TEX11: variants seen among roughly 807,000 people sequenced by gnomAD.
The protein encoded by TEX11 is testis-expressed protein 11.
In TEX11, 7 loss-of-function variants were observed where a neutral mutation model predicts 84.4. That is an observed-to-expected ratio of 0.08 (90% CI 0.05 to 0.16). The LOEUF is 0.16. Among genes scored for constraint, TEX11 ranks in the 10% least tolerant of loss-of-function variants. The pLI is 1.00. For synonymous variants in TEX11, 264 were observed against 222.8 expected (o/e 1.18, Z -1.64); for missense variants, 551 against 660.5 (o/e 0.83, Z 1.82).
rs529581679 is a variant in TEX11, at chrX:70,870,295, G to A, written c.244+2928C>T. ...ATAACATGGTACGAGAACCCTATAC[G>A]GAGAATGCACTCAATAAATGACTAA... On this transcript the variant is annotated intron_variant, in intron 4 of 29. Transcript: ENST00000374333. 8.1e-5 allele frequency among the ~76,000 whole-genome samples: 9 copies of A among 111,137 alleles called. No homozygotes were observed. In the South Asian group the frequency reaches 1.1e-3, roughly 14 times the overall value.
chrX:70,563,583 T>C (rs146749803), intron 25 of TEX11, among the ~76,000 whole-genome samples: 2,123 of 111,937 alleles, frequency 0.019, 21 homozygotes, highest in Middle Eastern at 0.07. Flanking sequence ...TGATAGTGTA[T>C]ATCCATGTTT....
intron 15 of TEX11, chrX:70,673,503 G>A (rs2090042857): frequency 9.0e-6 from 1 of 111,534 alleles, no homozygotes; most frequent in Non-Finnish European, 1.9e-5. Flanking sequence ...CAGGGAATAG[G>A]CTGCACATGA....
chrX:70,511,326 G>C, the TEX11 span, among the ~76,000 whole-genome samples: 3 of 112,618 alleles, frequency 2.7e-5, no homozygotes, highest in Non-Finnish European at 3.7e-5. Context: ...GTCAGACCCT[G>C]TGGATACAAT....
intron 24 of TEX11, among the ~76,000 whole-genome samples, chrX:70,595,794 A>G (rs992324713): frequency 1.8e-5 from 2 of 111,899 alleles, no homozygotes; most frequent in Non-Finnish European, 3.8e-5. Context: ...TAAAAATAGT[A>G]ACATTAAATG....
chrX:70,885,557 G>T (rs2091703526), intron 2 of TEX11, among the ~76,000 whole-genome samples: 1 of 111,284 alleles, frequency 9.0e-6, no homozygotes, highest in African/African-American at 3.3e-5. Context: ...AAATTACAAT[G>T]ATATATCACC....
At position 70,838,404 on chromosome X, in the gene TEX11, C is replaced by T. The variant is rs957094560; in HGVS notation, c.526-4811G>A. ...CACTACTGCCCTCCAGCCTGGGCAA[C>T]GGAGCAAGACTTGGTCTCAGAACAA... is the stretch of plus-strand genomic sequence containing the variant. On this transcript the variant is annotated intron_variant, in intron 7 of 29. Coordinates refer to ENST00000374333, the MANE Select transcript of TEX11 (RefSeq NM_031276.3). 3.6e-5 allele frequency among the ~76,000 whole-genome samples: 4 copies of T among 111,894 alleles called. No homozygotes were observed. In the South Asian group the frequency reaches 1.1e-3, roughly 31 times the overall value.
At chrX:70,514,307 G>C in the TEX11 span, among the ~76,000 whole-genome samples, 3 of 101,630 alleles carry the variant, frequency 3.0e-5, no homozygotes, top group Non-Finnish European at 6.1e-5. Flanking sequence ...GAAGTTAAAA[G>C]GAGAAAGGGC....
At chrX:70,890,445 C>T (rs1031874669) in intron 2 of TEX11, among the ~76,000 whole-genome samples, 87 of 112,142 alleles carry the variant, frequency 7.8e-4, no homozygotes, top group African/African-American at 2.7e-3. Context: ...ATTTCCCTTT[C>T]CTAGCCAAGG....
At chrX:70,794,615 A>G (rs1242742289) in intron 9 of TEX11, among the ~76,000 whole-genome samples, 1 of 108,524 alleles carries the variant, frequency 9.2e-6, no homozygotes, top group Non-Finnish European at 1.9e-5. Context: ...TTGGTCTTGC[A>G]ATTTGGATAA....
chrX:70,576,040 C>T (rs1380765475), intron 25 of TEX11, among the ~76,000 whole-genome samples: 1 of 111,645 alleles, frequency 9.0e-6, no homozygotes, highest in African/African-American at 3.3e-5. Context: ...TCCTTATTTC[C>T]ACAATACATA....
chrX:70,587,374 C>T (rs1246653228), intron 25 of TEX11, among the ~76,000 whole-genome samples: 1 of 112,242 alleles, frequency 8.9e-6, no homozygotes, highest in African/African-American at 3.2e-5. Flanking sequence ...CAGGGCTTCT[C>T]TGCTTTGTGT....
In TEX11 at chrX:70,689,380, C is replaced by A. The variant is rs909171077; in HGVS notation, c.1005-6555G>T. Reference sequence around the variant, plus strand: ...AATGACACCCCAGTAGCAACAAGCACAACTAACATTCAGATCTTGGTTACT... The same window carrying A: ...AATGACACCCCAGTAGCAACAAGCAAAACTAACATTCAGATCTTGGTTACT... On this transcript the variant is annotated intron_variant, in intron 13 of 29. Transcript: ENST00000374333. 4.5e-5 allele frequency among the ~76,000 whole-genome samples: 5 copies of A among 111,549 alleles called. No homozygotes were observed. In the East Asian group the frequency reaches 1.4e-3, roughly 31 times the overall value.
rs192870397 is a variant in TEX11, at chrX:70,894,583, G to A, written c.37+13170C>T. Among the ~76,000 whole-genome samples the A allele has an allele frequency of 3.0e-4, 33 of 108,247 alleles. No homozygotes were observed. The East Asian group carries it at 7.3e-3, about 24-fold the overall frequency. The allele number at this position is 108,247 out of a possible 115,157, so 94.0% of individuals were successfully genotyped here. A position where few individuals can be genotyped will look rare whatever the true frequency, so the allele number is the denominator to read the frequency against. ...AGAGGTTGCAGTGAGCCAAGATTGC[G>A]CCACTGCCCTCTAGCCTGGCGACAG... On this transcript the variant is annotated intron_variant, in intron 2 of 29. Coordinates refer to ENST00000374333, the MANE Select transcript of TEX11 (RefSeq NM_031276.3).
chrX:70,772,020 C>T (rs1407305045), intron 9 of TEX11, among the ~76,000 whole-genome samples: 1 of 111,726 alleles, frequency 9.0e-6, no homozygotes, highest in Non-Finnish European at 1.9e-5. Flanking sequence ...GCCTCTTACC[C>T]AAGTTCATGG....
intron 18 of TEX11, among the ~76,000 whole-genome samples, chrX:70,625,236 C>A (rs1233647912): frequency 9.0e-6 from 1 of 110,764 alleles, no homozygotes; most frequent in South Asian, 3.9e-4. Context: ...AACAAAAGAA[C>A]CCCAGATTGT....
chrX:70,855,858 A>G (rs1233040170), intron 5 of TEX11, among the ~76,000 whole-genome samples: 2 of 111,671 alleles, frequency 1.8e-5, no homozygotes, highest in Non-Finnish European at 3.8e-5. Context: ...CAAGCCAAGG[A>G]AAGAGTACTC....
intron 2 of TEX11, among the ~76,000 whole-genome samples, chrX:70,890,917 AC>A (rs2091734325): frequency 8.9e-6 from 1 of 111,824 alleles, no homozygotes; most frequent in African/African-American, 3.2e-5. Flanking sequence ...TGGGTCCCTG[AC>A]CCCCGTGTAG....
chrX:70,899,285 T>C, intron 2 of TEX11, among the ~76,000 whole-genome samples: 1 of 111,577 alleles, frequency 9.0e-6, no homozygotes. Context: ...AATTGTAAAA[T>C]ACACATGGGT....
chrX:70,879,461 A>G (rs2091671954), intron 3 of TEX11, among the ~76,000 whole-genome samples: 2 of 111,011 alleles, frequency 1.8e-5, no homozygotes, highest in Non-Finnish European at 3.8e-5. Flanking sequence ...AATATTCTCA[A>G]AAGTGTTTCA....
Sources: allele counts gnomAD v4.1 joint callset (sites outside exome capture counted in the v4.1 genomes callset), GRCh38; gene constraint gnomAD v4.1.1; transcripts MANE v1.5; gene names NCBI Gene and HGNC (gene_info 2026-07-23, HGNC 2026-07-21).